Variants in ETFB observed in about 807,000 individuals in gnomAD.
ETFB encodes beta-ETF.
A neutral mutation model predicts 25.6 loss-of-function variants in ETFB; 20 were observed. That is an observed-to-expected ratio of 0.78 (90% CI 0.55 to 1.14). The LOEUF is 1.14. ETFB is among the 50% of genes most tolerant of loss of function. The probability of loss-of-function intolerance (pLI) is 0.00; values close to 1 mark genes in which losing one functional copy is unlikely to be tolerated. For missense variants in ETFB, 286 were observed against 342.6 expected, an observed-to-expected ratio of 0.83 and a Z score of 1.30; for synonymous variants, 142 against 146.7, an observed-to-expected ratio of 0.97 and a Z score of 0.23.
At chr19:51,360,019 GAA>G (rs375911822) in intron 1 of ETFB, among the ~76,000 whole-genome samples, 1 of 140,602 alleles carries the variant, frequency 7.1e-6, no homozygotes, top group Non-Finnish European at 1.6e-5. Flanking sequence ...GTCTCAAAAA[GAA>G]AAAAAAAAAG....
At position 51,345,255 on chromosome 19, in the gene ETFB, T is replaced by C; in HGVS notation, c.724A>G (p.Thr242Ala). 1 of 1,614,178 alleles carries C rather than the reference T, an allele frequency of 6.2e-7. No individual in the cohort carries two copies. Among genetic ancestry groups the C allele is most frequent in the South Asian group, 1.1e-5 (1 of 91,084 alleles). Reference sequence around the variant, plus strand: ...TTCAGCTTGGCCACCAGGTCCTCAGTGGTCTCCACCTTGACGCCGGCCGTG... The same window carrying C: ...TTCAGCTTGGCCACCAGGTCCTCAGCGGTCTCCACCTTGACGCCGGCCGTG... Reference protein sequence around the residue: ...QRTAGVKVETTEDLVAKLKEI... With the variant: ...QRTAGVKVETAEDLVAKLKEI... The change falls in exon 6 of 6, where the codon ACT becomes GCT. Residue 242 changes from threonine (T) to alanine (A), a missense_variant. By Grantham distance (58) the Thr-to-Ala change is moderately conservative. Coordinates refer to ENST00000309244, the MANE Select transcript of ETFB (RefSeq NM_001985.3).
intron 4 of ETFB, chr19:51,347,494 T>G: frequency 5.1e-6 from 1 of 197,004 alleles, no homozygotes; most frequent in African/African-American, 2.3e-5. Flanking sequence ...ATCCAAAAGC[T>G]GACAATCTGG....
intron 1 of ETFB, among the ~76,000 whole-genome samples, chr19:51,362,763 G>A (rs1261511803): frequency 2.0e-5 from 3 of 152,194 alleles, no homozygotes; most frequent in African/African-American, 7.2e-5. Context: ...CGCTGGGCTT[G>A]GAGTCTGAGG....
intron 1 of ETFB, among the ~76,000 whole-genome samples, chr19:51,362,142 TACAC>T (rs1056234261): frequency 6.4e-5 from 8 of 124,042 alleles, no homozygotes; most frequent in Non-Finnish European, 5.1e-5. Flanking sequence ...CCCAGAAACA[TACAC>T]ACAGCCGGAC....
At chr19:51,360,134 G>A (rs1986186289) in intron 1 of ETFB, among the ~76,000 whole-genome samples, 1 of 152,122 alleles carries the variant, frequency 6.6e-6, no homozygotes, top group Non-Finnish European at 1.5e-5. Flanking sequence ...GGGCGTGGCG[G>A]CTCACACCTG....
At chr19:51,346,635 C>T (rs928770530) in intron 5 of ETFB, 4 of 469,242 alleles carry the variant, frequency 8.5e-6, no homozygotes, top group Non-Finnish European at 1.5e-5. Context: ...ACAAAGGGAA[C>T]ACCTTCTGCT....
intron 3 of ETFB, among the ~76,000 whole-genome samples, chr19:51,352,095 T>C (rs1418705998): frequency 6.6e-6 from 1 of 152,026 alleles, no homozygotes; most frequent in African/African-American, 2.4e-5. Context: ...GAGCTCCATG[T>C]ACCCCTATCT....
chr19:51,347,207 G>T, intron 4 of ETFB, 149 bp from the exon 5 acceptor site: 1 of 770,142 alleles, frequency 1.3e-6, no homozygotes, highest in Non-Finnish European at 2.2e-6. Context: ...TTAGAATCGA[G>T]CTTGTACACC....
At chr19:51,361,696 G>GTTTT (rs1568470352) in intron 1 of ETFB, 28 of 125,876 alleles carry the variant, frequency 2.2e-4, no homozygotes, top group African/African-American at 8.9e-4. Context: ...GCCTCTCCTG[G>GTTTT]GTTTTTTTTT....
At chr19:51,351,613 T>C (rs1385542537) in intron 3 of ETFB, among the ~76,000 whole-genome samples, 1 of 152,228 alleles carries the variant, frequency 6.6e-6, no homozygotes, top group African/African-American at 2.4e-5. Flanking sequence ...CCTCGGCCTC[T>C]GCAGCCCCAC....
rs1340539008 is a variant in ETFB at position 51,345,244 on chromosome 19, C to T, written c.735G>A (p.Leu245=). Residue 245 remains leucine, a synonymous_variant, in exon 6 of 6, where the codon CTG becomes CTA. Coordinates refer to ENST00000309244, the MANE Select transcript of ETFB (RefSeq NM_001985.3). The stretch of plus-strand genomic sequence containing the variant: ...GCCCAATCTCCTTCAGCTTGGCCAC[C>T]AGGTCCTCAGTGGTCTCCACCTTGA... ...AGVKVETTED[L]VAKLKEIGRI 6.2e-7 allele frequency: 1 copy of T among 1,614,226 alleles called. No individual in the cohort carries two copies. Among genetic ancestry groups the T allele is most frequent in the East Asian group, 2.2e-5 (1 of 44,888 alleles).
At chr19:51,359,826 C>G (rs1020043107) in intron 1 of ETFB, among the ~76,000 whole-genome samples, 2 of 151,858 alleles carry the variant, frequency 1.3e-5, no homozygotes, top group African/African-American at 4.8e-5. Context: ...TCAAGACCAG[C>G]CTGGGCAACA....
In ETFB at chr19:51,366,092, G is replaced by A. The variant is rs3786625; in HGVS notation, c.57+178C>T. On this transcript the variant is annotated intron_variant, in intron 1 of 5. Transcript: ENST00000309244. ...AAAAGAGAACATGGCCGTGACCCCG[G>A]AGGGATCGGATGTTAGAACTTCACT... Among the ~76,000 whole-genome samples the A allele has an allele frequency of 0.47, 70,811 of 152,084 alleles. 16,916 individuals are homozygous for A. The highest frequency in any genetic ancestry group is 0.51 in the Non-Finnish European group (34,403 of 67,964).
rs1985974530 is a variant in ETFB, at chr19:51,353,270, C to G, written c.237G>C (p.Leu79=). The change falls in exon 3 of 6, where the codon CTG becomes CTC. Residue 79 remains leucine, a synonymous_variant. Coordinates refer to ENST00000309244, the MANE Select transcript of ETFB (RefSeq NM_001985.3). ...AQCQETIRTA[L]AMGADRGIHV... is the part of the protein sequence containing the mutation. Reference sequence around the variant, plus strand: ...GGATACCTCGGTCTGCACCCATGGCCAGGGCGGTACGAATCGTCTCCTGCC... The same window carrying G: ...GGATACCTCGGTCTGCACCCATGGCGAGGGCGGTACGAATCGTCTCCTGCC... The G allele has an allele frequency of 1.2e-6, 2 of 1,614,064 alleles. No homozygotes were observed. Among genetic ancestry groups the G allele is most frequent in the Non-Finnish European group, 1.7e-6 (2 of 1,179,996 alleles).
intron 1 of ETFB, chr19:51,356,617 G>A (rs1986086081): frequency 6.6e-6 from 1 of 152,142 alleles, no homozygotes; most frequent in Non-Finnish European, 1.5e-5. Flanking sequence ...GGATCCTGGG[G>A]ACACCATCAT....
Position 51,346,945 on chromosome 19 carries a change from G to C in ETFB, c.552C>G (p.Asp184Glu), listed in dbSNP as rs1444467533. The C allele has an allele frequency of 1.3e-6, 2 of 1,589,154 alleles. No homozygotes were observed. Among genetic ancestry groups the C allele is most frequent in the Non-Finnish European group, 1.7e-6 (2 of 1,167,786 alleles). Residue 184 changes from aspartate (D) to glutamate (E), a missense_variant, in exon 5 of 6, where the codon GAC becomes GAG. Coordinates refer to ENST00000309244, the MANE Select transcript of ETFB (RefSeq NM_001985.3). ...RLKLPAVVTA[D>E]LRLNEPRYAT... ...CGTAGCGGGGCTCGTTGAGCCTCAG[G>C]TCAGCTGTCACCACAGCTGGCAGCT...
At chr19:51,346,053 ACC>A in intron 5 of ETFB, 2 of 147,200 alleles carry the variant, frequency 1.4e-5, no homozygotes, top group African/African-American at 2.8e-5. Flanking sequence ...GATGCGCTGA[ACC>A]CTGCCTATAG....
At chr19:51,352,227 C>G (rs1985948362) in intron 3 of ETFB, among the ~76,000 whole-genome samples, 1 of 152,084 alleles carries the variant, frequency 6.6e-6, no homozygotes, top group African/African-American at 2.4e-5. Context: ...CCCAGGGGGG[C>G]TCTTTCTGCA....
rs1480479389 is a variant in ETFB, at chr19:51,366,292, C to T, written c.35G>A (p.Arg12Lys). 1 of 1,613,920 alleles carries T rather than the reference C, an allele frequency of 6.2e-7. No homozygotes were observed. Among genetic ancestry groups the T allele is most frequent in the South Asian group, 1.1e-5 (1 of 91,062 alleles). Residue 12 changes from arginine to lysine, a missense_variant, in exon 1 of 6, where the codon AGG becomes AAG. Coordinates refer to ENST00000309244, the MANE Select transcript of ETFB (RefSeq NM_001985.3). ...AELRVLVAVK[R>K]VIDYAVKIRV... ...CACCTTCACGGCGTAGTCGATGACC[C>T]TCTTGACAGCTACGAGCACGCGCAG...
Sources: allele counts gnomAD v4.1 joint callset (sites outside exome capture counted in the v4.1 genomes callset), GRCh38; gene constraint gnomAD v4.1.1; transcripts MANE v1.5; gene names NCBI Gene and HGNC (gene_info 2026-07-23, HGNC 2026-07-21).